The following FECH variants were observed in gnomAD, a reference collection of about 807,000 sequenced individuals.
FECH encodes ferrochelatase.
Under a neutral mutation model 56.9 loss-of-function variants are expected in FECH, and 40 were observed. That is an observed-to-expected ratio of 0.70 (90% CI 0.55 to 0.92). FECH has a LOEUF of 0.92. Ranked by LOEUF, FECH falls within the 40% of genes least tolerant of loss-of-function variation. The pLI, the probability that FECH is intolerant of heterozygous loss-of-function variation, is 0.00. For missense variants in FECH, 431 were observed against 529.1 expected (o/e 0.81, Z 1.82); for synonymous variants, 175 against 198.6 (o/e 0.88, Z 1.00).
rs546863235 is a variant in FECH, at chr18:57,565,840, AT to A, written c.598+606del. On this transcript the variant is annotated intron_variant, in intron 5 of 10. Transcript: ENST00000262093. ...GGTGACAGTAGCAGCTTTGCCTACA[AT>A]GAATGATACAGAGATTGCCAAACAC... is the stretch of plus-strand genomic sequence containing the variant. Among the ~76,000 whole-genome samples, 26 of 152,350 alleles carry A rather than the reference AT, an allele frequency of 1.7e-4. No individual in the cohort carries two copies. The South Asian group carries it at 4.6e-3, about 27-fold the overall frequency.
At chr18:57,556,134 C>CA (rs757483198) in intron 7 of FECH, among the ~76,000 whole-genome samples, 3 of 151,842 alleles carry the variant, frequency 2.0e-5, no homozygotes, top group Non-Finnish European at 4.4e-5. Context: ...ATCTCGAAAA[C>CA]AAAAAATTAT....
In FECH at chr18:57,547,881, C is replaced by T. The variant is rs1006071833; in HGVS notation, c.*2831G>A. ...GAACTCTTGGGATCAAGCAATCCTCCAACCTTGGCCTTCCAAAGTATTGGA... is the reference window on the plus strand; with the variant it reads ...GAACTCTTGGGATCAAGCAATCCTCTAACCTTGGCCTTCCAAAGTATTGGA... On this transcript the variant is annotated 3_prime_UTR_variant, in exon 11 of 11. Coordinates refer to ENST00000262093, the MANE Select transcript of FECH (RefSeq NM_000140.5). Among the ~76,000 whole-genome samples the T allele has an allele frequency of 6.6e-6, 1 of 152,162 alleles. No homozygotes were observed. The highest frequency in any genetic ancestry group is 1.5e-5 in the Non-Finnish European group (1 of 68,034).
At chr18:57,582,002 G>GT (rs1277180581) in intron 1 of FECH, among the ~76,000 whole-genome samples, 1 of 142,776 alleles carries the variant, frequency 7.0e-6, no homozygotes, top group Non-Finnish European at 1.6e-5. Flanking sequence ...TTGAGTTGGT[G>GT]TTTTAAAAAA....
rs918891084 is a variant in FECH, at chr18:57,584,036, C to T, written c.67+2518G>A. Among the ~76,000 whole-genome samples the T allele has an allele frequency of 5.3e-5, 8 of 151,960 alleles. 1 individual carries two copies. Among genetic ancestry groups the T allele is most frequent in the Admixed American group, 2.0e-4 (3 of 15,258 alleles). On this transcript the variant is annotated intron_variant, in intron 1 of 10. Transcript: ENST00000262093. ...CTACTAAAAACACAAAAAAATTAGCCGGGTGTGGTGGCACCTGCCTGTAGT... is the reference window on the plus strand; with the variant it reads ...CTACTAAAAACACAAAAAAATTAGCTGGGTGTGGTGGCACCTGCCTGTAGT...
At chr18:57,579,995 C>G in intron 2 of FECH, 78 bp downstream of exon 2, 1 of 1,597,150 alleles carries the variant, frequency 6.3e-7, no homozygotes, top group Non-Finnish European at 8.6e-7. Flanking sequence ...AGCACCTTTC[C>G]TCCCAGGCAG....
At chr18:57,565,848 T>C (rs111757231) in intron 5 of FECH, among the ~76,000 whole-genome samples, 169 of 152,290 alleles carry the variant, frequency 1.1e-3, no homozygotes, top group African/African-American at 3.6e-3. Context: ...CAATGAATGA[T>C]ACAGAGATTG....
At chr18:57,573,133 T>C (rs1363053025) in intron 3 of FECH, 113 bp downstream of exon 3, 3 of 1,078,290 alleles carry the variant, frequency 2.8e-6, no homozygotes, top group Non-Finnish European at 4.3e-6. Flanking sequence ...TGCTGCTGTT[T>C]AACCATTACC....
intron 8 of FECH, 146 bp from the exon 9 acceptor site, chr18:57,554,570 C>T: frequency 1.1e-6 from 1 of 905,084 alleles, no homozygotes; most frequent in South Asian, 1.4e-5. Context: ...GATATTTTCA[C>T]ATGGAAACTT....
intron 9 of FECH, 70 bp from the exon 10 acceptor site, chr18:57,551,444 G>T (rs1328026823): frequency 8.1e-7 from 1 of 1,230,862 alleles, no homozygotes; most frequent in Non-Finnish European, 1.2e-6. Flanking sequence ...CAAAGAAACT[G>T]CTACAAAAAA....
rs145405196 is a variant in FECH at position 57,573,307 on chromosome 18, C to T, written c.253G>A (p.Val85Ile). 8 of 1,614,078 alleles carry T rather than the reference C, an allele frequency of 5.0e-6. No individual in the cohort carries two copies. The Admixed American group carries it at 8.3e-5, about 17-fold the overall frequency. ...NMGGPETLGD[V>I]HDFLLRLFLD... ...AAGAGTCTCAGAAGGAAGTCGTGAACATCTCCAAGAGTTTCAGGGCCTCCC... is the reference window on the plus strand; with the variant it reads ...AAGAGTCTCAGAAGGAAGTCGTGAATATCTCCAAGAGTTTCAGGGCCTCCC... The change falls in exon 3 of 11, where the codon GTT (valine) becomes ATT (isoleucine). Residue 85 changes from valine to isoleucine, a missense_variant. By Grantham distance (29) the Val-to-Ile change is conservative (BLOSUM62 3). Transcript: ENST00000262093.
At chr18:57,573,714 A>C (rs1335466392) in intron 2 of FECH, among the ~76,000 whole-genome samples, 2 of 152,236 alleles carry the variant, frequency 1.3e-5, no homozygotes, top group East Asian at 3.8e-4. Context: ...GCACCTGTAC[A>C]TGTGAGTACC....
intron 2 of FECH, 127 bp from the exon 3 acceptor site, chr18:57,573,492 G>A: frequency 9.2e-7 from 1 of 1,082,930 alleles, no homozygotes; most frequent in Admixed American, 1.7e-5. Flanking sequence ...TCTTTTCACT[G>A]CCGTCACACA....
At chr18:57,552,123 A>T (rs2050808447) in intron 9 of FECH, among the ~76,000 whole-genome samples, 1 of 151,744 alleles carries the variant, frequency 6.6e-6, no homozygotes, top group South Asian at 2.1e-4. Context: ...ACCTCAAACG[A>T]TCCACCCGCC....
chr18:57,546,648 A>T lies in FECH; in HGVS notation c.*4064T>A, dbSNP rs949727381. 6.6e-6 allele frequency among the ~76,000 whole-genome samples: 1 copy of T among 152,126 alleles called. No individual in the cohort carries two copies. On this transcript the variant is annotated 3_prime_UTR_variant, in exon 11 of 11. Coordinates refer to ENST00000262093, the MANE Select transcript of FECH (RefSeq NM_000140.5). ...GAGGTGAGACATGGAGTCAAAGGAG[A>T]TTATTCCGGAACTTTAAGATTTATT...
intron 2 of FECH, 93 bp from the exon 3 acceptor site, chr18:57,573,458 C>T: frequency 6.9e-7 from 1 of 1,446,624 alleles, no homozygotes; most frequent in Non-Finnish European, 9.7e-7. Flanking sequence ...CTAATCTGTT[C>T]CATACAAAGG....
chr18:57,565,523 T>C (rs1038071786), intron 5 of FECH, among the ~76,000 whole-genome samples: 4 of 151,782 alleles, frequency 2.6e-5, no homozygotes, highest in African/African-American at 2.4e-5. Context: ...GGAGAATCAC[T>C]TGAACCCGGG....
chr18:57,582,093 T>C (rs1044130328), intron 1 of FECH, among the ~76,000 whole-genome samples: 2 of 152,218 alleles, frequency 1.3e-5, no homozygotes, highest in Non-Finnish European at 2.9e-5. Context: ...TCGTGGGATT[T>C]AACCAGGTTC....
chr18:57,554,470 CG>C, intron 8 of FECH, 46 bp from the exon 9 acceptor site: 1 of 1,608,456 alleles, frequency 6.2e-7, no homozygotes, highest in Non-Finnish European at 8.5e-7. Flanking sequence ...TGCCTCCTGA[CG>C]GTCTGTAGTA....
At chr18:57,580,249 C>G in intron 1 of FECH, 50 bp from the exon 2 acceptor site, 1 of 1,610,840 alleles carries the variant, frequency 6.2e-7, no homozygotes. Flanking sequence ...AAAGTAATTT[C>G]TTCTGAAGAG....
Sources: gnomAD v4.1 joint callset for allele counts (sites outside exome capture counted in the v4.1 genomes callset) on GRCh38, gnomAD v4.1.1 for gene constraint, MANE v1.5 for transcripts, NCBI Gene and HGNC (gene_info 2026-07-23, HGNC 2026-07-21) for gene names.